INO80D: variants seen among roughly 807,000 people sequenced by gnomAD.
INO80D encodes INO80 complex subunit D.
A neutral mutation model predicts 87.6 loss-of-function variants in INO80D; 21 were observed. The ratio of observed to expected loss-of-function variants is 0.24; its 90% CI spans 0.17 to 0.35. INO80D has a LOEUF of 0.35. Among genes scored for constraint, INO80D ranks in the 10% least tolerant of loss-of-function variants. The probability of loss-of-function intolerance (pLI) is 1.00; values close to 1 mark genes in which losing one functional copy is unlikely to be tolerated. For synonymous variants in INO80D, 440 were observed against 491.0 expected, an observed-to-expected ratio of 0.90 and a Z score of 1.37; for missense variants, 982 against 1,280.7, an observed-to-expected ratio of 0.77 and a Z score of 3.56.
chr2:206,076,872 C>A (rs1690129949), intron 1 of INO80D, among the ~76,000 whole-genome samples: 1 of 152,182 alleles, frequency 6.6e-6, no homozygotes, highest in Non-Finnish European at 1.5e-5. Flanking sequence ...GTCTTCTCAT[C>A]TGTAAAGGGA....
intron 1 of INO80D, among the ~76,000 whole-genome samples, chr2:206,080,924 AAAAG>A (rs1268161328): frequency 6.6e-6 from 1 of 150,608 alleles, no homozygotes. Context: ...AAAAAAAAAA[AAAAG>A]AATATTAAAA....
At chr2:206,017,489 G>A (rs1203436224) in intron 8 of INO80D, among the ~76,000 whole-genome samples, 191 bp downstream of exon 8, 1 of 152,190 alleles carries the variant, frequency 6.6e-6, no homozygotes, top group Non-Finnish European at 1.5e-5. Flanking sequence ...GGAACAAAGA[G>A]AGTATTTAGA....
In INO80D at chr2:206,027,147, C is replaced by T. The variant is rs920083152; in HGVS notation, c.1298+964G>A. The stretch of plus-strand genomic sequence containing the variant: ...TCACTGGAAAATTTACACACGCACG[C>T]GCGCACGCGCACACACACACACACA... On this transcript the variant is annotated intron_variant, in intron 6 of 10. Transcript: ENST00000403263. Among the ~76,000 whole-genome samples the T allele has an allele frequency of 1.8e-3, 172 of 97,706 alleles. 2 individuals carry two copies. The highest frequency in any genetic ancestry group is 1.7e-3 in the Admixed American group (14 of 8,238). 64.1% of individuals were successfully genotyped at this position (97,706 alleles called of 152,430 possible).
chr2:206,019,960 T>A, intron 6 of INO80D, 115 bp from the exon 7 acceptor site: 2 of 605,602 alleles, frequency 3.3e-6, no homozygotes, highest in Non-Finnish European at 2.9e-6. Context: ...ATATAACATC[T>A]ACAGTCACTA....
intron 1 of INO80D, among the ~76,000 whole-genome samples, chr2:206,081,305 G>A (rs1353363334): frequency 6.6e-6 from 1 of 152,146 alleles, no homozygotes; most frequent in Non-Finnish European, 1.5e-5. Context: ...AAAAGCACAC[G>A]AAAGTGTTAA....
intron 5 of INO80D, among the ~76,000 whole-genome samples, chr2:206,044,604 G>A (rs1689146263): frequency 6.6e-6 from 1 of 151,708 alleles, no homozygotes; most frequent in Non-Finnish European, 1.5e-5. Flanking sequence ...ATGCTACAGA[G>A]ATAAAGAAAA....
At chr2:206,070,797 T>TC (rs1689941578) in intron 1 of INO80D, among the ~76,000 whole-genome samples, 1 of 152,038 alleles carries the variant, frequency 6.6e-6, no homozygotes, top group African/African-American at 2.4e-5. Context: ...ATAAAATTCT[T>TC]GGGTTGTGCT....
intron 8 of INO80D, among the ~76,000 whole-genome samples, chr2:206,011,513 A>G (rs755055459): frequency 8.0e-4 from 122 of 152,160 alleles, no homozygotes; most frequent in Non-Finnish European, 1.6e-3. Context: ...ACCTAGCTTC[A>G]GTGCACAGTG....
At chr2:206,037,398 A>G (rs909331871) in intron 5 of INO80D, among the ~76,000 whole-genome samples, 3 of 152,204 alleles carry the variant, frequency 2.0e-5, no homozygotes, top group Non-Finnish European at 2.9e-5. Flanking sequence ...TCTAATAAAA[A>G]CAGGAGAATC....
Position 205,995,996 on chromosome 2 carries a change from T to C in INO80D, c.*8372A>G, listed in dbSNP as rs1575780264. ...TAAATGACAAATTAATGACAGTAAG[T>C]GTGGAAATAAACCTAACACTAATAT... On this transcript the variant is annotated 3_prime_UTR_variant, in exon 11 of 11. Transcript: ENST00000403263. 1 of 152,206 alleles carries C rather than the reference T, an allele frequency of 6.6e-6. No individual in the cohort carries two copies. Among genetic ancestry groups the C allele is most frequent in the African/African-American group, 2.4e-5 (1 of 41,568 alleles). 9.4% of individuals were successfully genotyped at this position (152,206 alleles called of 1,614,324 possible). A position where few individuals can be genotyped will look rare whatever the true frequency, so the allele number is the denominator to read the frequency against.
rs1211061500 is a variant in INO80D at position 206,007,342 on chromosome 2, G to A, written c.1860C>T (p.Asp620=). 1.2e-6 allele frequency: 2 copies of A among 1,613,676 alleles called. No individual in the cohort carries two copies. The highest frequency in any genetic ancestry group is 2.7e-5 in the African/African-American group (2 of 75,012). ...IPHDLELNQE[D]FSDVLPRLPD... is the part of the protein sequence containing the mutation. ...GTAGCCGTGGCAGGACATCTGAAAA[G>A]TCCTCCTGGTTCAATTCCAAGTCAT... The change falls in exon 10 of 11, where the codon GAC becomes GAT. Residue 620 remains aspartate, a synonymous_variant. Coordinates refer to ENST00000403263, the MANE Select transcript of INO80D (RefSeq NM_017759.5).
At chr2:206,046,421 TCA>T (rs1398565754) in intron 5 of INO80D, 81 bp downstream of exon 5, 1 of 913,912 alleles carries the variant, frequency 1.1e-6, no homozygotes, top group African/African-American at 1.6e-5. Context: ...TAAGCTGAGA[TCA>T]CACCACTGCA....
intron 3 of INO80D, among the ~76,000 whole-genome samples, chr2:206,059,415 T>G (rs1689624900): frequency 6.6e-6 from 1 of 152,062 alleles, no homozygotes; most frequent in Non-Finnish European, 1.5e-5. Context: ...ACAGAGAACC[T>G]ATTTTTACTG....
intron 9 of INO80D, chr2:206,007,916 A>G (rs996506504): frequency 2.6e-5 from 4 of 152,820 alleles, no homozygotes; most frequent in Admixed American, 2.0e-4. Context: ...CTTGAACCCA[A>G]GCACAGGGAT....
Position 206,056,625 on chromosome 2 carries a change from C to A in INO80D, c.537G>T (p.Gln179His), listed in dbSNP as rs915051774. The A allele has an allele frequency of 6.2e-7, 1 of 1,611,094 alleles. No individual in the cohort carries two copies. The highest frequency in any genetic ancestry group is 1.1e-5 in the South Asian group (1 of 90,558). Reference sequence around the variant, plus strand: ...TTAAAATCTCTGTCTCTCTCTGGCGCTGCCGATTCTGGGCCAACTTGCTCT... The same window carrying A: ...TTAAAATCTCTGTCTCTCTCTGGCGATGCCGATTCTGGGCCAACTTGCTCT... ...KLQSKLAQNRQRQRETEILKV... is the reference protein window; with the variant it reads ...KLQSKLAQNRHRQRETEILKV... The change falls in exon 4 of 11, where the codon CAG (glutamine) becomes CAT (histidine). Residue 179 changes from glutamine to histidine, a missense_variant. Transcript: ENST00000403263.
At chr2:206,031,081 C>T (rs1326296060) in intron 5 of INO80D, among the ~76,000 whole-genome samples, 2 of 151,796 alleles carry the variant, frequency 1.3e-5, no homozygotes, top group Non-Finnish European at 2.9e-5. Context: ...ATGTATAAAA[C>T]AAGGAACTAA....
Position 206,056,700 on chromosome 2 carries a change from A to C in INO80D, c.462T>G (p.Asn154Lys), listed in dbSNP as rs1689533463. 6.2e-7 allele frequency: 1 copy of C among 1,613,518 alleles called. No homozygotes were observed. The highest frequency in any genetic ancestry group is 1.3e-5 in the African/African-American group (1 of 74,902). ...CTTTCTTTAGGTCATCATCTTCCTC[A>C]TTGAAAGCAAATGGGTCTTCCAATT... Reference protein sequence around the residue: ...ETELEDPFAFNEEDDDLKKGA... With the variant: ...ETELEDPFAFKEEDDDLKKGA... Residue 154 changes from asparagine to lysine, a missense_variant, in exon 4 of 11, where the codon AAT becomes AAG. Transcript: ENST00000403263.
At chr2:206,034,771 G>C (rs1453243639) in intron 5 of INO80D, among the ~76,000 whole-genome samples, 4 of 152,050 alleles carry the variant, frequency 2.6e-5, no homozygotes, top group Non-Finnish European at 5.9e-5. Flanking sequence ...AAGAAATAAA[G>C]GGCATCCAAA....
At chr2:206,050,782 C>CA (rs1316290024) in intron 4 of INO80D, among the ~76,000 whole-genome samples, 1 of 151,846 alleles carries the variant, frequency 6.6e-6, no homozygotes, top group Non-Finnish European at 1.5e-5. Context: ...TCTTGGCTAA[C>CA]ACGGTGAAAC....
Sources: gnomAD v4.1 joint callset for allele counts (sites outside exome capture counted in the v4.1 genomes callset) on GRCh38, gnomAD v4.1.1 for gene constraint, MANE v1.5 for transcripts, NCBI Gene and HGNC (gene_info 2026-07-23, HGNC 2026-07-21) for gene names.